Variants in TMEM132C observed in about 807,000 individuals in gnomAD.
The protein encoded by TMEM132C is protein phosphatase 1, regulatory subunit 152.
In TMEM132C, 29 loss-of-function variants were observed where a neutral mutation model predicts 61.4. The observed-to-expected ratio is 0.47, with a 90% CI of 0.35 to 0.64. The LOEUF (loss-of-function observed/expected upper bound fraction) is 0.64. Ranked by LOEUF, TMEM132C falls within the 30% of genes least tolerant of loss-of-function variation. The pLI is 0.00. For synonymous variants in TMEM132C, 656 were observed against 633.1 expected, an observed-to-expected ratio of 1.04 and a Z score of -0.54; for missense variants, 1,408 against 1,476.9, an observed-to-expected ratio of 0.95 and a Z score of 0.76.
At chr12:128,683,553 A>G (rs1954651723) in intron 5 of TMEM132C, among the ~76,000 whole-genome samples, 2 of 152,120 alleles carry the variant, frequency 1.3e-5, no homozygotes, top group African/African-American at 2.4e-5. Context: ...GAGACCTTGG[A>G]CCAGTTATTT....
At chr12:128,454,098 G>A (rs1870267517) in intron 2 of TMEM132C, among the ~76,000 whole-genome samples, 1 of 152,148 alleles carries the variant, frequency 6.6e-6, no homozygotes, top group Non-Finnish European at 1.5e-5. Flanking sequence ...AGGTCCACAA[G>A]GATATAGACA....
chr12:128,698,545 GT>G (rs1031178302), intron 8 of TMEM132C, among the ~76,000 whole-genome samples: 12 of 152,214 alleles, frequency 7.9e-5, no homozygotes, highest in African/African-American at 2.4e-4. Context: ...CCTGTGAAGA[GT>G]CCATTTGCAA....
At chr12:128,588,146 C>CTT (rs1374509863) in intron 3 of TMEM132C, among the ~76,000 whole-genome samples, 1 of 152,156 alleles carries the variant, frequency 6.6e-6, no homozygotes, top group East Asian at 1.9e-4. Flanking sequence ...TTTCATGTCT[C>CTT]TTTCTGGCTG....
At chr12:128,347,440 C>CTCTCTCTCTCTCTCT (rs1873204352) in intron 1 of TMEM132C, among the ~76,000 whole-genome samples, 1 of 97,372 alleles carries the variant, frequency 1.0e-5, no homozygotes, top group Admixed American at 9.9e-5. Flanking sequence ...TCTCTCTCTC[C>CTCTCTCTCTCTCTCT]TTCTTTCTGA....
chr12:128,634,120 C>T (rs1954082711), intron 4 of TMEM132C, among the ~76,000 whole-genome samples: 1 of 152,250 alleles, frequency 6.6e-6, no homozygotes. Context: ...GTCTTCCAGG[C>T]TGGAGTGCAG....
At chr12:128,434,322 C>T (rs146201222) in intron 2 of TMEM132C, among the ~76,000 whole-genome samples, 1,538 of 152,250 alleles carry the variant, frequency 0.01, 20 homozygotes, top group African/African-American at 0.033. Context: ...TTTTTTGAGA[C>T]GGAGTTTCTC....
chr12:128,379,130 A>G (rs1041381511), intron 1 of TMEM132C, among the ~76,000 whole-genome samples: 1 of 152,220 alleles, frequency 6.6e-6, no homozygotes, highest in Admixed American at 6.5e-5. Flanking sequence ...TGAGGATGCC[A>G]TGATGGATTG....
At chr12:128,525,266 G>A (rs1381385860) in intron 2 of TMEM132C, among the ~76,000 whole-genome samples, 1 of 151,942 alleles carries the variant, frequency 6.6e-6, no homozygotes, top group African/African-American at 2.4e-5. Context: ...ATAAAGGGAA[G>A]TTTTCTGATG....
intron 4 of TMEM132C, among the ~76,000 whole-genome samples, chr12:128,666,409 CAGAACTGTA>C (rs1180349256): frequency 6.6e-6 from 1 of 152,176 alleles, no homozygotes; most frequent in African/African-American, 2.4e-5. Context: ...TCCCAGCCTC[CAGAACTGTA>C]AGAAACAAAT....
chr12:128,674,843 C>T (rs1342215618), intron 5 of TMEM132C, among the ~76,000 whole-genome samples: 1 of 151,866 alleles, frequency 6.6e-6, no homozygotes, highest in East Asian at 1.9e-4. Context: ...CAAAATTCCC[C>T]CCAAGGCCCC....
chr12:128,590,543 G>A (rs1056632337), intron 3 of TMEM132C, among the ~76,000 whole-genome samples: 2 of 152,132 alleles, frequency 1.3e-5, no homozygotes. Context: ...AGGGACTCCG[G>A]GTCTCCCCCA....
chr12:128,559,309 TA>T (rs1874436849), intron 3 of TMEM132C, among the ~76,000 whole-genome samples: 1 of 152,174 alleles, frequency 6.6e-6, no homozygotes, highest in Non-Finnish European at 1.5e-5. Flanking sequence ...ATCTGTATAT[TA>T]TGGCATATAG....
rs73432730 is a variant in TMEM132C, at chr12:128,300,277, T to C, written c.85+32790T>C. On this transcript the variant is annotated intron_variant, in intron 1 of 8. Transcript: ENST00000435159. ...AGTCCTCTGTTCTTCCTCCTGGGGT[T>C]ATTGCTGGCAACAGGAAGGTGGAAG... 2.9e-3 allele frequency among the ~76,000 whole-genome samples: 446 copies of C among 152,252 alleles called. 2 individuals carry two copies. The highest frequency in any genetic ancestry group is 0.01 in the African/African-American group (422 of 41,548).
chr12:128,393,356 T>C (rs1311762446), intron 1 of TMEM132C, among the ~76,000 whole-genome samples: 1 of 152,174 alleles, frequency 6.6e-6, no homozygotes, highest in Non-Finnish European at 1.5e-5. Context: ...GGATTTCCTC[T>C]TTTACTCTAT....
chr12:128,613,947 T>C (rs766199671), intron 3 of TMEM132C, among the ~76,000 whole-genome samples: 2 of 152,216 alleles, frequency 1.3e-5, no homozygotes, highest in Non-Finnish European at 2.9e-5. Flanking sequence ...TCTCCTTTAA[T>C]TCATCTGCAA....
At chr12:128,369,580 C>A (rs1873968587) in intron 1 of TMEM132C, among the ~76,000 whole-genome samples, 1 of 152,174 alleles carries the variant, frequency 6.6e-6, no homozygotes, top group African/African-American at 2.4e-5. Flanking sequence ...AGGCATTTGG[C>A]AGAGAGTAAA....
chr12:128,665,953 A>G (rs1007464517), intron 4 of TMEM132C, among the ~76,000 whole-genome samples: 2 of 150,364 alleles, frequency 1.3e-5, no homozygotes, highest in Admixed American at 1.3e-4. Context: ...ACACAGGCAC[A>G]CACACACACA....
At chr12:128,389,162 C>A (rs1227358388) in intron 1 of TMEM132C, among the ~76,000 whole-genome samples, 2 of 152,216 alleles carry the variant, frequency 1.3e-5, no homozygotes, top group Admixed American at 1.3e-4. Flanking sequence ...TTCATTCATT[C>A]ATTCATTCCA....
intron 1 of TMEM132C, among the ~76,000 whole-genome samples, chr12:128,340,902 CTT>C (rs1461345375): frequency 3.9e-5 from 5 of 128,198 alleles, no homozygotes; most frequent in African/African-American, 1.0e-4. Context: ...TTCTTTCTCT[CTT>C]TCTCTCTCTC....
Sources: gnomAD v4.1 joint callset for allele counts (sites outside exome capture counted in the v4.1 genomes callset) on GRCh38, gnomAD v4.1.1 for gene constraint, MANE v1.5 for transcripts, NCBI Gene and HGNC (gene_info 2026-07-23, HGNC 2026-07-21) for gene names.